MGAT4C: variants seen among roughly 807,000 people sequenced by gnomAD.
MGAT4C encodes alpha-1,3-mannosyl-glycoprotein 4-beta-N-acetylglucosaminyltransferase C.
A neutral mutation model predicts 40.1 loss-of-function variants in MGAT4C; 19 were observed. The ratio of observed to expected loss-of-function variants is 0.47; its 90% CI spans 0.33 to 0.70. The LOEUF (loss-of-function observed/expected upper bound fraction) is 0.70. Among genes scored for constraint, MGAT4C ranks in the 30% least tolerant of loss-of-function variants. MGAT4C has a pLI of 0.02. For synonymous variants in MGAT4C, 181 were observed against 187.1 expected (o/e 0.97, Z 0.27); for missense variants, 491 against 563.2 (o/e 0.87, Z 1.30).
At chr12:86,735,224 C>G (rs1950966954) in intron 1 of MGAT4C, among the ~76,000 whole-genome samples, 1 of 151,496 alleles carries the variant, frequency 6.6e-6, no homozygotes, top group East Asian at 2.0e-4. Flanking sequence ...TGAAGAGAAG[C>G]TGGGTGTGAA....
intron 2 of MGAT4C, among the ~76,000 whole-genome samples, chr12:86,617,669 C>T (rs1041027910): frequency 1.4e-5 from 2 of 147,024 alleles, no homozygotes; most frequent in African/African-American, 2.5e-5. Flanking sequence ...GCCTGGAAGA[C>T]AGAGCTAGAC....
intron 1 of MGAT4C, among the ~76,000 whole-genome samples, chr12:86,202,724 C>T (rs925485719): frequency 6.6e-6 from 1 of 151,686 alleles, no homozygotes; most frequent in African/African-American, 2.4e-5. Context: ...GTCTATTGAC[C>T]TGTCATTGAT....
At chr12:86,714,756 G>T (rs1329909382) in intron 2 of MGAT4C, among the ~76,000 whole-genome samples, 3 of 142,780 alleles carry the variant, frequency 2.1e-5, no homozygotes, top group Non-Finnish European at 4.5e-5. Flanking sequence ...AAGGAGTGAG[G>T]AAAGAGGTGG....
chr12:86,643,255 C>T (rs1198033065), intron 2 of MGAT4C, among the ~76,000 whole-genome samples: 1 of 151,748 alleles, frequency 6.6e-6, no homozygotes, highest in Admixed American at 6.6e-5. Context: ...GACCTATACA[C>T]CTGCCGTTAG....
At chr12:86,788,995 G>A (rs1028843660) in intron 1 of MGAT4C, among the ~76,000 whole-genome samples, 1 of 152,088 alleles carries the variant, frequency 6.6e-6, no homozygotes, top group African/African-American at 2.4e-5. Context: ...TTGAAAATGT[G>A]TAGCTCACAA....
chr12:86,716,108 G>A (rs554925086), intron 2 of MGAT4C, among the ~76,000 whole-genome samples: 2 of 152,126 alleles, frequency 1.3e-5, no homozygotes, highest in South Asian at 4.1e-4. Flanking sequence ...GTGAAAAATA[G>A]TCCCACTGGT....
intron 2 of MGAT4C, among the ~76,000 whole-genome samples, chr12:86,643,285 T>C (rs1963445119): frequency 6.6e-6 from 1 of 151,734 alleles, no homozygotes; most frequent in Admixed American, 6.6e-5. Context: ...CTCAACACTA[T>C]TGCACTGGGG....
At chr12:86,466,100 T>C (rs967637184) in intron 2 of MGAT4C, among the ~76,000 whole-genome samples, 85 of 151,980 alleles carry the variant, frequency 5.6e-4, no homozygotes, top group African/African-American at 1.9e-3. Flanking sequence ...CCCCAGCTAC[T>C]CGGGAAGCTG....
chr12:86,095,218 A>G (rs1445663004), intron 1 of MGAT4C, among the ~76,000 whole-genome samples: 1 of 152,148 alleles, frequency 6.6e-6, no homozygotes, highest in Non-Finnish European at 1.5e-5. Context: ...TGCTCTTCAC[A>G]TGAACAATGC....
chr12:86,159,068 T>C (rs912033071), intron 1 of MGAT4C, among the ~76,000 whole-genome samples: 2 of 152,162 alleles, frequency 1.3e-5, no homozygotes, highest in Non-Finnish European at 2.9e-5. Context: ...TCCAGTACTA[T>C]GTAGAATAGA....
rs1593068400 is a variant in MGAT4C at position 86,637,895 on chromosome 12, T to G, written c.-229+89314A>C. ...TATCATGAGGCTTTAGATAATGCATTCTTTTTATGTACAGCTATTTTTGCT... is the reference window on the plus strand; with the variant it reads ...TATCATGAGGCTTTAGATAATGCATGCTTTTTATGTACAGCTATTTTTGCT... On this transcript the variant is annotated intron_variant, in intron 2 of 7. Transcript: ENST00000548651. 2.0e-5 allele frequency among the ~76,000 whole-genome samples: 3 copies of G among 151,896 alleles called. No homozygotes were observed. The South Asian group carries it at 6.2e-4, about 31-fold the overall frequency.
At chr12:86,210,300 C>T (rs1304658430) in intron 1 of MGAT4C, among the ~76,000 whole-genome samples, 2 of 152,160 alleles carry the variant, frequency 1.3e-5, no homozygotes, top group African/African-American at 4.8e-5. Flanking sequence ...CACTGGCTTG[C>T]AGGTGCAATG....
intron 2 of MGAT4C, among the ~76,000 whole-genome samples, chr12:86,535,763 T>G (rs1048069052): frequency 1.3e-5 from 2 of 152,096 alleles, no homozygotes; most frequent in Non-Finnish European, 2.9e-5. Flanking sequence ...TGTTCCTATG[T>G]GAATTTGGAG....
chr12:86,021,032 A>T (rs1400050648), intron 2 of MGAT4C, among the ~76,000 whole-genome samples: 2 of 152,188 alleles, frequency 1.3e-5, no homozygotes, highest in Non-Finnish European at 2.9e-5. Context: ...TCAAAACCAC[A>T]ATGAGATACC....
intron 2 of MGAT4C, among the ~76,000 whole-genome samples, chr12:86,675,765 A>C (rs1964378075): frequency 6.6e-6 from 1 of 152,202 alleles, no homozygotes; most frequent in South Asian, 2.1e-4. Context: ...ATAATATGTC[A>C]TAATGAGATG....
At chr12:86,314,895 C>G (rs150764805) in intron 4 of MGAT4C, among the ~76,000 whole-genome samples, 2 of 151,968 alleles carry the variant, frequency 1.3e-5, no homozygotes, top group African/African-American at 2.4e-5. Context: ...TTGGAAGAAT[C>G]AGTATTGTTA....
rs149465373 is a variant in MGAT4C at position 86,745,868 on chromosome 12, T to C, written c.-261-18627A>G. On this transcript the variant is annotated intron_variant, in intron 1 of 7. Coordinates refer to the MGAT4C transcript ENST00000548651. ...TTTCTTTCAGCTGTAGAAATAGAAATTCAGCTTCAGGAACTTAAGCCAAAC... is the reference window on the plus strand; with the variant it reads ...TTTCTTTCAGCTGTAGAAATAGAAACTCAGCTTCAGGAACTTAAGCCAAAC... Among the ~76,000 whole-genome samples the C allele has an allele frequency of 9.2e-5, 14 of 151,776 alleles. No homozygotes were observed. The East Asian group carries it at 1.2e-3, about 13-fold the overall frequency.
intron 1 of MGAT4C, among the ~76,000 whole-genome samples, chr12:86,753,847 G>C (rs767685595): frequency 6.6e-6 from 1 of 151,998 alleles, no homozygotes; most frequent in Non-Finnish European, 1.5e-5. Context: ...GATTTAAAAA[G>C]ATTGACCATA....
At chr12:86,808,360 C>T (rs1952404248) in intron 1 of MGAT4C, among the ~76,000 whole-genome samples, 1 of 152,030 alleles carries the variant, frequency 6.6e-6, no homozygotes, top group Non-Finnish European at 1.5e-5. Context: ...CCCTGATGAA[C>T]ATTAGTGTAA....
Sources: allele counts gnomAD v4.1 joint callset (sites outside exome capture counted in the v4.1 genomes callset), GRCh38; gene constraint gnomAD v4.1.1; transcripts MANE v1.5; gene names NCBI Gene and HGNC (gene_info 2026-07-23, HGNC 2026-07-21).